Variants in CNTN3 observed in about 807,000 individuals in gnomAD.
The protein encoded by CNTN3 is contactin 3, also known as contactin-3.
In CNTN3, 60 loss-of-function variants were observed where a neutral mutation model predicts 119.1. That is an observed-to-expected ratio of 0.50 (90% CI 0.41 to 0.62). The LOEUF is 0.62. Among genes scored for constraint, CNTN3 ranks in the 20% least tolerant of loss-of-function variants. The pLI is 0.00. For missense variants in CNTN3, 1,101 were observed against 1,242.4 expected (o/e 0.89, Z 1.71); for synonymous variants, 450 against 438.7 (o/e 1.03, Z -0.32).
At chr3:74,530,543 C>T (rs1316552029) in intron 1 of CNTN3, among the ~76,000 whole-genome samples, 4 of 151,636 alleles carry the variant, frequency 2.6e-5, no homozygotes, top group Admixed American at 6.6e-5. Context: ...TGGGATGATA[C>T]TAAATGAGAC....
Position 74,334,737 on chromosome 3 carries a change from C to A in CNTN3, c.1666G>T (p.Gly556Trp), listed in dbSNP as rs772710248. Reference sequence around the variant, plus strand: ...ATGAGGAAAGTGCCACAACTTACCCCACCAACTTTCTCAAAGTGAGATCCA... The same window carrying A: ...ATGAGGAAAGTGCCACAACTTACCCAACCAACTTTCTCAAAGTGAGATCCA... The part of the protein sequence containing the change: ...KDGSHFEKVG[G>W]SSSGDLMIRN... Residue 556 changes from glycine to tryptophan, a missense_variant and splice_region_variant, in exon 13 of 23, where the codon GGG becomes TGG. Coordinates refer to ENST00000263665, the MANE Select transcript of CNTN3 (RefSeq NM_020872.3). The A allele has an allele frequency of 5.0e-6, 8 of 1,612,576 alleles. No homozygotes were observed. The Admixed American group carries it at 1.3e-4, about 27-fold the overall frequency.
intron 1 of CNTN3, among the ~76,000 whole-genome samples, chr3:74,525,447 T>C (rs1703605790): frequency 6.6e-6 from 1 of 151,820 alleles, no homozygotes; most frequent in African/African-American, 2.4e-5. Context: ...AGCATTGCCA[T>C]GTATCATCAC....
At chr3:74,562,709 C>T (rs1704171030) in intron 1 of CNTN3, among the ~76,000 whole-genome samples, 1 of 152,060 alleles carries the variant, frequency 6.6e-6, no homozygotes, top group Non-Finnish European at 1.5e-5. Context: ...TATGTTAACA[C>T]ACTATCAGAA....
chr3:74,471,282 G>A (rs1702557108), intron 4 of CNTN3, among the ~76,000 whole-genome samples: 2 of 151,894 alleles, frequency 1.3e-5, no homozygotes, highest in East Asian at 3.9e-4. Context: ...ACCATGGCAC[G>A]TGTATACCTA....
intron 5 of CNTN3, among the ~76,000 whole-genome samples, chr3:74,405,068 T>C (rs904854497): frequency 3.3e-5 from 5 of 152,178 alleles, no homozygotes; most frequent in Non-Finnish European, 7.4e-5. Context: ...TTATGTCTCT[T>C]AGATTTATAT....
At chr3:74,465,273 A>T (rs546648744) in intron 4 of CNTN3, among the ~76,000 whole-genome samples, 23 of 152,256 alleles carry the variant, frequency 1.5e-4, no homozygotes, top group Non-Finnish European at 2.6e-4. Flanking sequence ...ATACCAAATG[A>T]TCCCCCAAGG....
At chr3:74,610,104 T>C (rs1334592564) in intron 1 of CNTN3, among the ~76,000 whole-genome samples, 1 of 151,796 alleles carries the variant, frequency 6.6e-6, no homozygotes, top group Non-Finnish European at 1.5e-5. Flanking sequence ...GGGCAGATCG[T>C]TTGAGTTCAG....
intron 20 of CNTN3, among the ~76,000 whole-genome samples, chr3:74,276,356 G>C (rs1016963714): frequency 6.6e-6 from 1 of 151,996 alleles, no homozygotes; most frequent in Non-Finnish European, 1.5e-5. Flanking sequence ...AACAGTGAAG[G>C]GAACTTTCTT....
chr3:74,540,345 T>C (rs757572095), intron 1 of CNTN3, among the ~76,000 whole-genome samples: 3 of 152,142 alleles, frequency 2.0e-5, no homozygotes, highest in Non-Finnish European at 4.4e-5. Flanking sequence ...TAATATTTCT[T>C]TCCACACCAC....
At chr3:74,315,001 A>T (rs1379386046) in intron 13 of CNTN3, among the ~76,000 whole-genome samples, 1 of 152,192 alleles carries the variant, frequency 6.6e-6, no homozygotes, top group Non-Finnish European at 1.5e-5. Flanking sequence ...CCATTGGTAA[A>T]ACAAAAATGT....
At chr3:74,574,372 G>A (rs1173206376) in intron 1 of CNTN3, among the ~76,000 whole-genome samples, 1 of 152,150 alleles carries the variant, frequency 6.6e-6, no homozygotes, top group Non-Finnish European at 1.5e-5. Flanking sequence ...TAGTGGTGAT[G>A]GTTGTCACAA....
intron 2 of CNTN3, among the ~76,000 whole-genome samples, chr3:74,504,913 A>AT (rs998300741): frequency 2.0e-5 from 3 of 152,088 alleles, no homozygotes; most frequent in Non-Finnish European, 4.4e-5. Context: ...CCAAAACAGA[A>AT]TTTTTTGTCT....
intron 13 of CNTN3, among the ~76,000 whole-genome samples, chr3:74,308,851 TA>T (rs539557384): frequency 2.0e-5 from 3 of 152,278 alleles, no homozygotes; most frequent in South Asian, 4.1e-4. Flanking sequence ...AATTGACATA[TA>T]AAATGTATAT....
chr3:74,584,477 C>T (rs80034542), intron 1 of CNTN3, among the ~76,000 whole-genome samples: 1,724 of 152,076 alleles, frequency 0.011, 27 homozygotes, highest in African/African-American at 0.04. Flanking sequence ...GTTCTTGCTT[C>T]CTTCTACTCT....
chr3:74,514,649 T>C (rs1460777844), intron 2 of CNTN3, among the ~76,000 whole-genome samples: 1 of 152,150 alleles, frequency 6.6e-6, no homozygotes, highest in African/African-American at 2.4e-5. Context: ...TATGTAGGGA[T>C]GCATGTGTAA....
At chr3:74,413,898 C>T (rs1279589385) in intron 5 of CNTN3, among the ~76,000 whole-genome samples, 1 of 152,166 alleles carries the variant, frequency 6.6e-6, no homozygotes, top group Non-Finnish European at 1.5e-5. Flanking sequence ...CTGGGTTTTC[C>T]TTCAGACAGA....
At chr3:74,278,234 C>G (rs1206980800) in intron 20 of CNTN3, among the ~76,000 whole-genome samples, 1 of 151,858 alleles carries the variant, frequency 6.6e-6, no homozygotes. Flanking sequence ...CAAAATACCA[C>G]CATATTCTTC....
chr3:74,543,793 G>GA (rs1703874821), intron 1 of CNTN3, among the ~76,000 whole-genome samples: 1 of 151,956 alleles, frequency 6.6e-6, no homozygotes, highest in African/African-American at 2.4e-5. Flanking sequence ...CCCATTCTCA[G>GA]AAAATCACAG....
At chr3:74,280,821 T>C (rs889250537) in intron 20 of CNTN3, among the ~76,000 whole-genome samples, 1 of 152,062 alleles carries the variant, frequency 6.6e-6, no homozygotes, top group African/African-American at 2.4e-5. Context: ...AGTGATGAAG[T>C]GAGTAGCCAT....
Sources: gnomAD v4.1 joint callset for allele counts (sites outside exome capture counted in the v4.1 genomes callset) on GRCh38, gnomAD v4.1.1 for gene constraint, MANE v1.5 for transcripts, NCBI Gene and HGNC (gene_info 2026-07-23, HGNC 2026-07-21) for gene names.